The following GPHN variants were observed in gnomAD, a reference collection of about 807,000 sequenced individuals.
GPHN encodes the protein gephyrin.
GPHN carries 17 observed loss-of-function variants against 95.5 expected under a neutral mutation model. The ratio of observed to expected loss-of-function variants is 0.18; its 90% CI spans 0.12 to 0.27. The LOEUF (loss-of-function observed/expected upper bound fraction) is 0.27, where lower values mean the gene tolerates loss of function less well. Ranked by LOEUF, GPHN falls within the 10% of genes least tolerant of loss-of-function variation. The pLI is 1.00. For missense variants in GPHN, 660 were observed against 978.1 expected (o/e 0.67, Z 4.34); for synonymous variants, 320 against 322.5 (o/e 0.99, Z 0.08).
At chr14:67,382,615 A>G in the GPHN span, 11 of 1,613,384 alleles carry the variant, frequency 6.8e-6, no homozygotes, top group South Asian at 9.9e-5. Context: ...TTCATTTTTA[A>G]TAATGACTCA....
rs114573359 is a variant in GPHN at position 66,773,845 on chromosome 14, T to C, written c.144-2619T>C. Among the ~76,000 whole-genome samples, 602 of 152,274 alleles carry C rather than the reference T, an allele frequency of 4.0e-3. 7 individuals are homozygous for C. The highest frequency in any genetic ancestry group is 0.014 in the African/African-American group (563 of 41,550). On this transcript the variant is annotated intron_variant, in intron 2 of 22. Transcript: ENST00000478722. ...CCTTGGATTCCAGAAGTGCTGGGATTATTGGCGTGAGCCAGTGAACCTAGC... is the reference window on the plus strand; with the variant it reads ...CCTTGGATTCCAGAAGTGCTGGGATCATTGGCGTGAGCCAGTGAACCTAGC...
rs11624165 is a variant in GPHN, at chr14:66,713,311, G to A, written c.143+32126G>A. Among the ~76,000 whole-genome samples, 4 of 152,148 alleles carry A rather than the reference G, an allele frequency of 2.6e-5. No homozygotes were observed. The South Asian group carries it at 8.3e-4, about 32-fold the overall frequency. ...TAATCCATGTTGATTTGATTTTTGT[G>A]TAAGGTGAGAGATGAGGATCCAGTT... On this transcript the variant is annotated intron_variant, in intron 2 of 22. Transcript: ENST00000478722.
intron 18 of GPHN, among the ~76,000 whole-genome samples, chr14:67,158,320 A>AC (rs1303273408): frequency 6.6e-6 from 1 of 151,920 alleles, no homozygotes; most frequent in East Asian, 1.9e-4. Context: ...AAAAAAAAAA[A>AC]AAAAAAGATA....
intron 1 of GPHN, among the ~76,000 whole-genome samples, chr14:66,655,240 A>G (rs1442146303): frequency 1.3e-5 from 2 of 152,146 alleles, no homozygotes; most frequent in Admixed American, 6.6e-5. Flanking sequence ...GAGTCTAACA[A>G]TCTGTTATTC....
chr14:66,761,521 G>A (rs1344924024), intron 2 of GPHN, among the ~76,000 whole-genome samples: 4 of 152,136 alleles, frequency 2.6e-5, no homozygotes, highest in Non-Finnish European at 5.9e-5. Context: ...GTTTGATGAA[G>A]CTTAATTATG....
At chr14:67,098,833 A>T (rs1038506034) in intron 12 of GPHN, among the ~76,000 whole-genome samples, 7 of 151,950 alleles carry the variant, frequency 4.6e-5, no homozygotes, top group African/African-American at 1.7e-4. Flanking sequence ...AAAAAAAAAA[A>T]AAAGAAAAAG....
At chr14:67,321,365 T>G in the GPHN span, 1 of 1,019,784 alleles carries the variant, frequency 9.8e-7, no homozygotes. Flanking sequence ...CCTAATTAAG[T>G]TCTCATACGG....
At chr14:66,634,258 A>G (rs1246453171) in intron 1 of GPHN, among the ~76,000 whole-genome samples, 9 of 151,236 alleles carry the variant, frequency 6.0e-5, no homozygotes, top group Admixed American at 3.3e-4. Flanking sequence ...TAGCTTCTGT[A>G]AGGAAAGACT....
chr14:66,619,786 T>C (rs1262972245), intron 1 of GPHN, among the ~76,000 whole-genome samples: 1 of 152,348 alleles, frequency 6.6e-6, no homozygotes, highest in East Asian at 1.9e-4. Flanking sequence ...TTTCCATTTG[T>C]TCATTGGTAG....
At chr14:66,790,922 G>T (rs990414764) in intron 3 of GPHN, among the ~76,000 whole-genome samples, 3 of 152,312 alleles carry the variant, frequency 2.0e-5, no homozygotes, top group African/African-American at 7.2e-5. Flanking sequence ...ACAGCCATCA[G>T]CAAAGATTGC....
chr14:67,048,076 A>G (rs1383204544), intron 10 of GPHN, among the ~76,000 whole-genome samples: 1 of 152,216 alleles, frequency 6.6e-6, no homozygotes, highest in African/African-American at 2.4e-5. Context: ...CCACACCACA[A>G]AAAAAGGTTA....
chr14:67,579,219 C>T, the GPHN span: 18 of 1,611,114 alleles, frequency 1.1e-5, no homozygotes, highest in East Asian at 1.8e-4. Flanking sequence ...CAGGCCATCG[C>T]GCATGGAAGT....
the GPHN span, among the ~76,000 whole-genome samples, chr14:67,281,515 TATTTA>T: frequency 6.6e-6 from 1 of 152,114 alleles, no homozygotes; most frequent in African/African-American, 2.4e-5. Flanking sequence ...TATTATTATT[TATTTA>T]TTTATTAAAA....
the GPHN span, chr14:67,648,262 C>A: frequency 6.7e-7 from 1 of 1,485,858 alleles, no homozygotes; most frequent in East Asian, 2.3e-5. Flanking sequence ...AGGATCTTTT[C>A]TGCTATTCCA....
intron 2 of GPHN, among the ~76,000 whole-genome samples, chr14:66,723,888 C>G (rs1249448873): frequency 2.6e-5 from 4 of 151,780 alleles, no homozygotes; most frequent in Non-Finnish European, 5.9e-5. Context: ...CTAGTTTATA[C>G]AAGCACTGAT....
chr14:67,134,336 G>T (rs1286486384), intron 17 of GPHN, among the ~76,000 whole-genome samples: 5 of 152,254 alleles, frequency 3.3e-5, no homozygotes, highest in Non-Finnish European at 7.4e-5. Flanking sequence ...CCCTAATTCT[G>T]CCCTCCAAGC....
At chr14:67,323,197 A>ATG in the GPHN span, among the ~76,000 whole-genome samples, 2 of 149,136 alleles carry the variant, frequency 1.3e-5, no homozygotes, top group East Asian at 2.0e-4. Context: ...TATGTATTAT[A>ATG]TGTGTATATA....
intron 1 of GPHN, among the ~76,000 whole-genome samples, chr14:66,678,963 G>T (rs558231617): frequency 8.5e-5 from 13 of 152,326 alleles, no homozygotes; most frequent in African/African-American, 3.1e-4. Context: ...TAAGGGTTGT[G>T]CACAGGCACT....
intron 9 of GPHN, among the ~76,000 whole-genome samples, chr14:66,996,513 C>G (rs1485850196): frequency 6.6e-6 from 1 of 151,974 alleles, no homozygotes; most frequent in Non-Finnish European, 1.5e-5. Flanking sequence ...TCCATAATGA[C>G]TCTTTTGAAT....
Sources: allele counts gnomAD v4.1 joint callset (sites outside exome capture counted in the v4.1 genomes callset), GRCh38; gene constraint gnomAD v4.1.1; transcripts MANE v1.5; gene names NCBI Gene and HGNC (gene_info 2026-07-23, HGNC 2026-07-21).